Variants in SETD3 observed in about 807,000 individuals in gnomAD.
The protein encoded by SETD3 is SET domain containing 3, actin N3(tau)-histidine methyltransferase, also known as actin-histidine N-methyltransferase.
A neutral mutation model predicts 63.0 loss-of-function variants in SETD3; 19 were observed. The ratio of observed to expected loss-of-function variants is 0.30; its 90% CI spans 0.21 to 0.44. The LOEUF (loss-of-function observed/expected upper bound fraction) is 0.44. Among genes scored for constraint, SETD3 ranks in the 20% least tolerant of loss-of-function variants. The pLI is 1.00. For missense variants in SETD3, 587 were observed against 728.5 expected, an observed-to-expected ratio of 0.81 and a Z score of 2.24; for synonymous variants, 286 against 264.1, an observed-to-expected ratio of 1.08 and a Z score of -0.80.
chr14:99,410,291 A>G (rs751140437), intron 8 of SETD3: 1 of 1,608,364 alleles, frequency 6.2e-7, no homozygotes, highest in South Asian at 1.1e-5. Flanking sequence ...TTGTTCGGAG[A>G]GACTTGTCTG....
At chr14:99,429,062 A>G (rs893059543) in intron 6 of SETD3, among the ~76,000 whole-genome samples, 1 of 152,196 alleles carries the variant, frequency 6.6e-6, no homozygotes, top group Non-Finnish European at 1.5e-5. Context: ...TCACACAAAC[A>G]TATGACTATT....
chr14:99,454,197 CT>C (rs550679583), intron 6 of SETD3, among the ~76,000 whole-genome samples: 67 of 145,450 alleles, frequency 4.6e-4, no homozygotes, highest in South Asian at 4.4e-4. Flanking sequence ...GGAGCAAATG[CT>C]TTTTTTTTTT....
intron 6 of SETD3, among the ~76,000 whole-genome samples, chr14:99,429,584 T>C (rs1893062837): frequency 6.6e-6 from 1 of 152,226 alleles, no homozygotes; most frequent in Admixed American, 6.5e-5. Flanking sequence ...TCTCTTTTGT[T>C]TCCATATATG....
Position 99,398,427 on chromosome 14 carries a change from C to T in SETD3, c.*252G>A. Reference sequence around the variant, plus strand: ...CACAATAGGTCTGCAAAATCTCCCACAGGCACCTCTTCTCCCTTTCTTGTG... The same window carrying T: ...CACAATAGGTCTGCAAAATCTCCCATAGGCACCTCTTCTCCCTTTCTTGTG... On this transcript the variant is annotated 3_prime_UTR_variant, in exon 13 of 13. Coordinates refer to ENST00000331768, the MANE Select transcript of SETD3 (RefSeq NM_032233.3). 2.1e-6 allele frequency: 1 copy of T among 471,666 alleles called. No homozygotes were observed. The highest frequency in any genetic ancestry group is 3.0e-5 in the South Asian group (1 of 33,068). The allele number at this position is 471,666 out of a possible 1,614,324, so 29.2% of individuals were successfully genotyped here. A position where few individuals can be genotyped will look rare whatever the true frequency, so the allele number is the denominator to read the frequency against.
chr14:99,412,717 A>C (rs1173884556), intron 8 of SETD3: 1 of 422,618 alleles, frequency 2.4e-6, no homozygotes, highest in Admixed American at 4.0e-5. Context: ...GTGGCTTTTG[A>C]AAATGGTATA....
intron 6 of SETD3, among the ~76,000 whole-genome samples, chr14:99,418,032 A>G (rs377460822): frequency 6.6e-6 from 1 of 152,346 alleles, no homozygotes; most frequent in East Asian, 1.9e-4. Flanking sequence ...CAAGTTGAAC[A>G]TATTAATCAC....
intron 6 of SETD3, among the ~76,000 whole-genome samples, chr14:99,420,450 A>G (rs1372005184): frequency 6.6e-6 from 1 of 152,190 alleles, no homozygotes; most frequent in Non-Finnish European, 1.5e-5. Context: ...TTCCTGGGAC[A>G]GCGGAGGAAA....
chr14:99,444,382 C>T (rs1166402914), intron 6 of SETD3: 3 of 152,192 alleles, frequency 2.0e-5, no homozygotes, highest in African/African-American at 7.2e-5. Flanking sequence ...GCAAGGATGA[C>T]ACACAAACTA....
At chr14:99,404,424 G>C (rs1046624130) in intron 10 of SETD3, 114 bp from the exon 11 acceptor site, 1 of 901,366 alleles carries the variant, frequency 1.1e-6, no homozygotes, top group African/African-American at 1.7e-5. Context: ...AGCTGAGCTG[G>C]AATGGGTCAT....
intron 6 of SETD3, among the ~76,000 whole-genome samples, chr14:99,419,590 A>T (rs1202445326): frequency 6.6e-6 from 1 of 151,920 alleles, no homozygotes; most frequent in African/African-American, 2.4e-5. Flanking sequence ...CCCGGCTAAA[A>T]CGGTGAAACC....
intron 6 of SETD3, among the ~76,000 whole-genome samples, chr14:99,455,224 T>C (rs1377527473): frequency 6.6e-6 from 1 of 152,204 alleles, no homozygotes; most frequent in East Asian, 1.9e-4. Flanking sequence ...CCAGGGTTCC[T>C]TCCCTCCCAT....
At chr14:99,476,650 C>T (rs1219564285) in intron 1 of SETD3, among the ~76,000 whole-genome samples, 1 of 152,224 alleles carries the variant, frequency 6.6e-6, no homozygotes, top group Non-Finnish European at 1.5e-5. Flanking sequence ...TATTTGTCAA[C>T]ACTAATCTTT....
intron 6 of SETD3, among the ~76,000 whole-genome samples, chr14:99,434,195 A>G (rs1359344252): frequency 6.6e-6 from 1 of 152,186 alleles, no homozygotes; most frequent in African/African-American, 2.4e-5. Flanking sequence ...TGGTACATTC[A>G]TACAGTGAGA....
At chr14:99,450,885 A>G (rs1165316390) in intron 6 of SETD3, among the ~76,000 whole-genome samples, 1 of 152,220 alleles carries the variant, frequency 6.6e-6, no homozygotes, top group Non-Finnish European at 1.5e-5. Flanking sequence ...ATTACATTCA[A>G]TCTCAACAAC....
chr14:99,413,201 T>A (rs1347329113), intron 7 of SETD3, 136 bp from the exon 8 acceptor site: 1 of 611,168 alleles, frequency 1.6e-6, no homozygotes, highest in Admixed American at 3.0e-5. Flanking sequence ...AGGTAATGTT[T>A]GGCCTTCATC....
intron 1 of SETD3, among the ~76,000 whole-genome samples, chr14:99,477,945 A>T (rs2400675): frequency 0.98 from 149,738 of 152,158 alleles, 73,719 homozygotes; most frequent in East Asian, 1. Context: ...ATGACAGAAA[A>T]CCATTGTAAA....
chr14:99,442,762 G>A (rs533804877), intron 6 of SETD3, among the ~76,000 whole-genome samples: 16 of 152,228 alleles, frequency 1.1e-4, no homozygotes, highest in Admixed American at 1.3e-4. Flanking sequence ...GTCAACAGTA[G>A]TTAAGTTTTG....
intron 8 of SETD3, chr14:99,410,382 G>T: frequency 1.1e-6 from 1 of 875,922 alleles, no homozygotes; most frequent in Non-Finnish European, 1.7e-6. Flanking sequence ...TACACAAACA[G>T]AAGGACCCTG....
Position 99,459,031 on chromosome 14 carries a change from A to G in SETD3, c.418+82T>C, listed in dbSNP as rs1171055484. On this transcript the variant is annotated intron_variant, in intron 5 of 12. Coordinates refer to ENST00000331768, the MANE Select transcript of SETD3 (RefSeq NM_032233.3). ...TTTCGCCAGTCGAGAAAAACCAAGT[A>G]TTATCCTTAGTGCCATAAAATGGAA... 3.7e-5 allele frequency: 37 copies of G among 1,006,474 alleles called. No individual in the cohort carries two copies. In the East Asian group the frequency reaches 9.3e-4, roughly 25 times the overall value. 62.3% of individuals were successfully genotyped at this position (1,006,474 alleles called of 1,614,324 possible).
Sources: gnomAD v4.1 joint callset for allele counts (sites outside exome capture counted in the v4.1 genomes callset) on GRCh38, gnomAD v4.1.1 for gene constraint, MANE v1.5 for transcripts, NCBI Gene and HGNC (gene_info 2026-07-23, HGNC 2026-07-21) for gene names.